The following LPP variants were observed in gnomAD, a reference collection of about 807,000 sequenced individuals.
LPP encodes LIM domain containing preferred translocation partner in lipoma.
A neutral mutation model predicts 60.4 loss-of-function variants in LPP; 38 were observed. The observed-to-expected ratio is 0.63, with a 90% CI of 0.49 to 0.83. The LOEUF is 0.83. Ranked by LOEUF, LPP falls within the 40% of genes least tolerant of loss-of-function variation. LPP has a pLI of 0.00. For synonymous variants in LPP, 328 were observed against 290.8 expected, an observed-to-expected ratio of 1.13 and a Z score of -1.30; for missense variants, 902 against 783.6, an observed-to-expected ratio of 1.15 and a Z score of -1.80.
At chr3:188,196,206 C>T (rs538297509) in intron 1 of LPP, among the ~76,000 whole-genome samples, 42 of 152,292 alleles carry the variant, frequency 2.8e-4, no homozygotes, top group African/African-American at 1.0e-3. Flanking sequence ...ACAAGCATTG[C>T]AGAGCTTTGT....
At chr3:188,422,775 C>T (rs1788142534) in intron 4 of LPP, among the ~76,000 whole-genome samples, 1 of 152,122 alleles carries the variant, frequency 6.6e-6, no homozygotes. Context: ...CTTCCTCCCT[C>T]GTGTGCACAT....
At chr3:188,219,015 T>C (rs1714764162) in intron 1 of LPP, among the ~76,000 whole-genome samples, 1 of 142,314 alleles carries the variant, frequency 7.0e-6, no homozygotes, top group African/African-American at 2.6e-5. Flanking sequence ...TAGATCACTT[T>C]ACCAGGAAGA....
intron 9 of LPP, among the ~76,000 whole-genome samples, chr3:188,851,889 G>A (rs559337898): frequency 6.6e-5 from 10 of 152,292 alleles, no homozygotes; most frequent in South Asian, 6.2e-4. Flanking sequence ...TGGGCCAGGC[G>A]TGGTGGCTCA....
chr3:188,484,547 C>T (rs571201983), intron 4 of LPP, 45 bp from the exon 5 acceptor site: 12 of 1,347,440 alleles, frequency 8.9e-6, no homozygotes, highest in South Asian at 2.4e-5. Context: ...AGTACTATAA[C>T]GTTGCATCCT....
At position 188,886,948 on chromosome 3, in the gene LPP, A is replaced by C. The variant is rs1273952565; in HGVS notation, c.*12469A>C. 4.3e-6 allele frequency: 1 copy of C among 230,980 alleles called. No individual in the cohort carries two copies. Among genetic ancestry groups the C allele is most frequent in the African/African-American group, 2.2e-5 (1 of 45,198 alleles). 14.3% of individuals were successfully genotyped at this position (230,980 alleles called of 1,614,324 possible). ...TCTTAAAATATGCCAAAGCAATTTG[A>C]GGTGGGGGTGGAAACAGGTATTTAT... On this transcript the variant is annotated 3_prime_UTR_variant, in exon 12 of 12. Coordinates refer to ENST00000617246, the MANE Select transcript of LPP (RefSeq NM_001375462.1).
chr3:188,802,772 G>A (rs1379411084), intron 9 of LPP, among the ~76,000 whole-genome samples: 2 of 151,592 alleles, frequency 1.3e-5, no homozygotes, highest in Non-Finnish European at 2.9e-5. Flanking sequence ...GAACAAGAGC[G>A]AGACTTTGTC....
intron 5 of LPP, among the ~76,000 whole-genome samples, chr3:188,489,590 T>G (rs1019456840): frequency 6.6e-6 from 1 of 152,210 alleles, no homozygotes; most frequent in Non-Finnish European, 1.5e-5. Flanking sequence ...GGGCTTGTTA[T>G]TATTTTAAAT....
chr3:188,644,681 A>G (rs1338579602), intron 7 of LPP, among the ~76,000 whole-genome samples: 5 of 152,196 alleles, frequency 3.3e-5, no homozygotes, highest in Admixed American at 1.3e-4. Context: ...GGGTTTTTAT[A>G]ATGTGGAAGC....
intron 2 of LPP, among the ~76,000 whole-genome samples, chr3:188,305,718 G>A (rs1751306302): frequency 6.6e-6 from 1 of 152,188 alleles, no homozygotes; most frequent in South Asian, 2.1e-4. Context: ...GTTTTATTGT[G>A]TTATTTGAAG....
chr3:188,199,310 C>T (rs1231563561), intron 1 of LPP, among the ~76,000 whole-genome samples: 2 of 152,010 alleles, frequency 1.3e-5, no homozygotes, highest in African/African-American at 2.4e-5. Flanking sequence ...GTCCCCAACT[C>T]GCTTAGATTC....
Position 188,708,361 on chromosome 3 carries a change from A to C in LPP, c.1208A>C (p.Asp403Ala). The change falls in exon 8 of 12, where the codon GAC (aspartate) becomes GCC (alanine). Residue 403 changes from aspartate to alanine, a missense_variant. Coordinates refer to ENST00000617246, the MANE Select transcript of LPP (RefSeq NM_001375462.1). ...CACCTGACCAAAAAGATGCTGTATGACATGGAAAATCCACCTGCTGACGAA... is the reference window on the plus strand; with the variant it reads ...CACCTGACCAAAAAGATGCTGTATGCCATGGAAAATCCACCTGCTGACGAA... ...LEHLTKKMLY[D>A]MENPPADEYF... The C allele has an allele frequency of 6.2e-7, 1 of 1,614,198 alleles. No homozygotes were observed. The highest frequency in any genetic ancestry group is 8.5e-7 in the Non-Finnish European group (1 of 1,180,018).
intron 2 of LPP, among the ~76,000 whole-genome samples, chr3:188,337,680 T>C (rs1045999104): frequency 3.3e-5 from 5 of 152,214 alleles, no homozygotes; most frequent in Non-Finnish European, 7.3e-5. Flanking sequence ...TTTTTTTCTA[T>C]ATAGCAATGG....
Position 188,602,538 on chromosome 3 carries a change from T to A in LPP, c.430-6623T>A, listed in dbSNP as rs542472574. ...TTATTAAGTGCCTACCTGATATGAA[T>A]CCCTAATAATGAGACCAAGCTCTTC... On this transcript the variant is annotated intron_variant, in intron 6 of 11. Coordinates refer to ENST00000617246, the MANE Select transcript of LPP (RefSeq NM_001375462.1). Among the ~76,000 whole-genome samples the A allele has an allele frequency of 2.6e-5, 4 of 152,082 alleles. No individual in the cohort carries two copies. In the East Asian group the frequency reaches 7.7e-4, roughly 29 times the overall value.
chr3:188,357,454 TA>T (rs1767944298), intron 3 of LPP, among the ~76,000 whole-genome samples: 1 of 150,398 alleles, frequency 6.6e-6, no homozygotes, highest in African/African-American at 2.4e-5. Flanking sequence ...GCTCTTCTAC[TA>T]ACAAATTTAA....
intron 8 of LPP, among the ~76,000 whole-genome samples, chr3:188,732,535 C>G (rs1045747790): frequency 6.6e-6 from 1 of 151,572 alleles, no homozygotes; most frequent in Non-Finnish European, 1.5e-5. Flanking sequence ...AGGCGGGTCA[C>G]GGTGAAACCC....
At position 188,376,683 on chromosome 3, in the gene LPP, T is replaced by C. The variant is rs572964387; in HGVS notation, c.-9-29429T>C. Among the ~76,000 whole-genome samples, 1,011 of 152,342 alleles carry C rather than the reference T, an allele frequency of 6.6e-3. 14 individuals carry two copies. The highest frequency in any genetic ancestry group is 0.023 in the African/African-American group (976 of 41,572). ...CAATTTGCCAGTCTGTGTCTTTTAGTTGGAGCATTTAGTCCATTTACATTT... is the reference window on the plus strand; with the variant it reads ...CAATTTGCCAGTCTGTGTCTTTTAGCTGGAGCATTTAGTCCATTTACATTT... On this transcript the variant is annotated intron_variant, in intron 3 of 11. Coordinates refer to ENST00000617246, the MANE Select transcript of LPP (RefSeq NM_001375462.1).
In LPP at chr3:188,875,890, C is replaced by G. The variant is rs1769194500; in HGVS notation, c.*1411C>G. The G allele has an allele frequency of 5.3e-6, 1 of 188,300 alleles. No homozygotes were observed. The highest frequency in any genetic ancestry group is 2.3e-5 in the African/African-American group (1 of 42,790). 11.7% of individuals were successfully genotyped at this position (188,300 alleles called of 1,614,324 possible). A position where few individuals can be genotyped will look rare whatever the true frequency, so the allele number is the denominator to read the frequency against. ...TCATGGCAAGTTGCCATTTTGTAAA[C>G]TAAGGATTTTGGACTGAGATTTCTT... On this transcript the variant is annotated 3_prime_UTR_variant, in exon 12 of 12. Coordinates refer to ENST00000617246, the MANE Select transcript of LPP (RefSeq NM_001375462.1).
intron 5 of LPP, among the ~76,000 whole-genome samples, chr3:188,509,517 C>T (rs917552423): frequency 5.9e-5 from 9 of 152,224 alleles, no homozygotes; most frequent in East Asian, 3.9e-4. Flanking sequence ...ACTGTAAACT[C>T]GGCTTAAGTG....
At chr3:188,532,882 C>T (rs1353914689) in intron 6 of LPP, among the ~76,000 whole-genome samples, 2 of 152,184 alleles carry the variant, frequency 1.3e-5, no homozygotes, top group Non-Finnish European at 2.9e-5. Context: ...AGGTTGGGGG[C>T]TGGTCCTTTC....
Sources: allele counts gnomAD v4.1 joint callset (sites outside exome capture counted in the v4.1 genomes callset), GRCh38; gene constraint gnomAD v4.1.1; transcripts MANE v1.5; gene names NCBI Gene and HGNC (gene_info 2026-07-23, HGNC 2026-07-21).